Variants in ABCA1 observed in about 807,000 individuals in gnomAD.
ABCA1 encodes phospholipid-transporting ATPase ABCA1.
Under a neutral mutation model 262.5 loss-of-function variants are expected in ABCA1, and 133 were observed. The observed-to-expected ratio is 0.51, with a 90% CI of 0.44 to 0.59. The LOEUF (loss-of-function observed/expected upper bound fraction) is 0.59, where lower values mean the gene tolerates loss of function less well. Among genes scored for constraint, ABCA1 ranks in the 20% least tolerant of loss-of-function variants. ABCA1 has a pLI of 0.00. For missense variants in ABCA1, 2,452 were observed against 2,777.5 expected (o/e 0.88, Z 2.63); for synonymous variants, 1,022 against 1,043.5 (o/e 0.98, Z 0.40).
At chr9:104,916,615 A>C (rs1841857084) in intron 1 of ABCA1, among the ~76,000 whole-genome samples, 1 of 152,230 alleles carries the variant, frequency 6.6e-6, no homozygotes, top group Admixed American at 6.5e-5. Flanking sequence ...TTTGCAGTTA[A>C]TGGCAGCTGG....
At chr9:104,914,995 G>A (rs79813326) in intron 1 of ABCA1, among the ~76,000 whole-genome samples, 2,717 of 152,254 alleles carry the variant, frequency 0.018, 44 homozygotes, top group Non-Finnish European at 0.029. Context: ...CACCTTCCCC[G>A]GAGGTTCAAC....
intron 5 of ABCA1, among the ~76,000 whole-genome samples, chr9:104,881,505 G>A (rs62568179): frequency 0.14 from 21,424 of 152,154 alleles, 1,659 homozygotes; most frequent in Middle Eastern, 0.23. Flanking sequence ...TTCACTAAGT[G>A]CTTCCTATGT....
chr9:104,894,473 C>G (rs537520910), intron 2 of ABCA1, among the ~76,000 whole-genome samples: 23 of 152,314 alleles, frequency 1.5e-4, no homozygotes, highest in African/African-American at 5.3e-4. Context: ...AAAGGTCTTA[C>G]TATGTACCAG....
At chr9:104,855,571 A>G in intron 7 of ABCA1, 1 of 1,157,480 alleles carries the variant, frequency 8.6e-7, no homozygotes, top group Non-Finnish European at 1.2e-6. Flanking sequence ...CAATTAAATT[A>G]TCAACTTCTA....
intron 26 of ABCA1, 33 bp downstream of exon 26, chr9:104,814,394 C>A: frequency 6.2e-7 from 1 of 1,609,566 alleles, no homozygotes; most frequent in Non-Finnish European, 8.5e-7. Context: ...AAGGCACTAT[C>A]TTAAGTGTGC....
At position 104,819,923 on chromosome 9, in the gene ABCA1, G is replaced by A. The variant is rs1259056486; in HGVS notation, c.3103+4C>T. On this transcript the variant is annotated splice_donor_region_variant and intron_variant, in intron 21 of 49. Transcript: ENST00000374736. ...GGGATAGGGAAGGTAGCTCTGGGCCGCACCTGACAGCTGGCTTGTTTTGCT... is the reference window on the plus strand; with the variant it reads ...GGGATAGGGAAGGTAGCTCTGGGCCACACCTGACAGCTGGCTTGTTTTGCT... 33 of 1,612,324 alleles carry A rather than the reference G, an allele frequency of 2.0e-5. 1 individual carries two copies. Among genetic ancestry groups the A allele is most frequent in the South Asian group, 1.4e-4 (13 of 91,052 alleles).
intron 37 of ABCA1, among the ~76,000 whole-genome samples, chr9:104,798,025 A>C (rs1225582171): frequency 6.6e-6 from 1 of 152,250 alleles, no homozygotes. Flanking sequence ...TAAAATGTAC[A>C]GAGTTTTCAA....
chr9:104,828,252 A>T (rs568968933), intron 15 of ABCA1, among the ~76,000 whole-genome samples: 2 of 152,162 alleles, frequency 1.3e-5, no homozygotes, highest in East Asian at 3.9e-4. Flanking sequence ...GGCAGCCCAC[A>T]TCCAGTGATT....
chr9:104,848,507 A>G (rs1835094771), intron 7 of ABCA1, among the ~76,000 whole-genome samples: 2 of 151,912 alleles, frequency 1.3e-5, no homozygotes, highest in Non-Finnish European at 2.9e-5. Context: ...CCCAGCTACT[A>G]GAGAGGCTGA....
chr9:104,879,358 G>GA (rs1347836391), intron 5 of ABCA1, among the ~76,000 whole-genome samples: 1 of 152,096 alleles, frequency 6.6e-6, no homozygotes, highest in Non-Finnish European at 1.5e-5. Context: ...TATAGTTGAG[G>GA]AAAAAAGGGT....
intron 2 of ABCA1, among the ~76,000 whole-genome samples, chr9:104,891,966 TA>T (rs570923490): frequency 0.068 from 3,998 of 59,184 alleles, 127 homozygotes; most frequent in African/African-American, 0.086. Context: ...CTCTGTCTCT[TA>T]AAAAAAAAAA....
Position 104,845,460 on chromosome 9 carries a change from G to A in ABCA1, c.813+17C>T, listed in dbSNP as rs116728780. ...AGTGGATGATCCGCTTCCTGGTACTGGAAAGACACAACTTACCTCCTGGGC... is the reference window on the plus strand; with the variant it reads ...AGTGGATGATCCGCTTCCTGGTACTAGAAAGACACAACTTACCTCCTGGGC... On this transcript the variant is annotated intron_variant, in intron 8 of 49. Transcript: ENST00000374736. 4,745 of 1,594,876 alleles carry A rather than the reference G, an allele frequency of 3.0e-3. 99 individuals are homozygous for A. The African/African-American group carries it at 0.056, about 19-fold the overall frequency.
Position 104,817,283 on chromosome 9 carries a change from C to G in ABCA1, c.3535+49G>C, listed in dbSNP as rs1831858381. On this transcript the variant is annotated intron_variant, in intron 24 of 49. Transcript: ENST00000374736. The surrounding 1 kb of genome is among the most constrained non-coding windows in gnomAD (Gnocchi z 4.7). ...CCTCCTCTGCCTCCACTCTGCCCAG[C>G]TGGGGGAAGCTCAGGCACCACCTGA... 6.2e-7 allele frequency: 1 copy of G among 1,613,912 alleles called. No individual in the cohort carries two copies. The highest frequency in any genetic ancestry group is 2.2e-5 in the East Asian group (1 of 44,880).
In ABCA1 at chr9:104,782,516, TA is replaced by T. The variant is rs1164875541; in HGVS notation, c.*1798del. 2.0e-5 allele frequency: 3 copies of T among 152,156 alleles called. No individual in the cohort carries two copies. Among genetic ancestry groups the T allele is most frequent in the Non-Finnish European group, 4.4e-5 (3 of 68,012 alleles). The allele number at this position is 152,156 out of a possible 1,614,324, so 9.4% of individuals were successfully genotyped here. The stretch of plus-strand genomic sequence containing the variant: ...TATTTTTCTTTTCTCTCAAGACAGT[TA>T]ACAGTAAGTATTAGTGAAACAGTAT... On this transcript the variant is annotated 3_prime_UTR_variant, in exon 50 of 50. Transcript: ENST00000374736.
At chr9:104,867,369 C>T (rs145813547) in intron 5 of ABCA1, among the ~76,000 whole-genome samples, 146 of 152,212 alleles carry the variant, frequency 9.6e-4, no homozygotes, top group Admixed American at 1.6e-3. Context: ...GTAAGGTGCC[C>T]GGTAAAGGAT....
chr9:104,827,251 G>A, intron 15 of ABCA1, 82 bp from the exon 16 acceptor site: 1 of 1,189,708 alleles, frequency 8.4e-7, no homozygotes, highest in Admixed American at 1.9e-5. Flanking sequence ...AAAAGACAGG[G>A]TTTATTCCTA....
intron 1 of ABCA1, among the ~76,000 whole-genome samples, chr9:104,910,590 G>A (rs548112979): frequency 1.4e-4 from 22 of 152,076 alleles, no homozygotes; most frequent in African/African-American, 5.3e-4. Context: ...AAGAGAGTAT[G>A]TGTGTGTGTG....
intron 8 of ABCA1, among the ~76,000 whole-genome samples, chr9:104,844,767 C>G (rs1007554388): frequency 6.6e-6 from 1 of 152,238 alleles, no homozygotes; most frequent in African/African-American, 2.4e-5. Flanking sequence ...CCCCCTGGCT[C>G]AGCTTCCTAT....
rs766463186 is a variant in ABCA1 at position 104,827,189 on chromosome 9, T to C, written c.2116-20A>G. On this transcript the variant is annotated intron_variant, in intron 15 of 49. Transcript: ENST00000374736. The stretch of plus-strand genomic sequence containing the variant: ...TCCTAACTGGGAAGGAAGAGACACA[T>C]CAAATGTGCTGCCTCAACAATCCCA... 6.3e-7 allele frequency: 1 copy of C among 1,595,170 alleles called. No homozygotes were observed. The highest frequency in any genetic ancestry group is 2.2e-5 in the East Asian group (1 of 44,742).
Sources: gnomAD v4.1 joint callset for allele counts (sites outside exome capture counted in the v4.1 genomes callset) on GRCh38, gnomAD v4.1.1 for gene constraint, Gnocchi (gnomAD v3.1) non-coding constraint, MANE v1.5 for transcripts, NCBI Gene and HGNC (gene_info 2026-07-23, HGNC 2026-07-21) for gene names.